The following CHD1L variants were observed in gnomAD, a reference collection of about 807,000 sequenced individuals.
CHD1L encodes the protein ATP-dependent chromatin remodeler CHD1L.
CHD1L carries 118 observed loss-of-function variants against 115.9 expected under a neutral mutation model. The observed-to-expected ratio is 1.02, with a 90% CI of 0.88 to 1.19. The LOEUF (loss-of-function observed/expected upper bound fraction) is 1.19. CHD1L is among the 50% of genes most tolerant of loss of function. The pLI is 0.00. For missense variants in CHD1L, 1,179 were observed against 1,065.3 expected (o/e 1.11, Z -1.49); for synonymous variants, 411 against 387.1 (o/e 1.06, Z -0.72).
In CHD1L at chr1:147,280,227, C is replaced by T. The variant is rs782223423; in HGVS notation, c.1705+36C>T. On this transcript the variant is annotated intron_variant, in intron 15 of 22. Coordinates refer to ENST00000369258, the MANE Select transcript of CHD1L (RefSeq NM_004284.6). The stretch of plus-strand genomic sequence containing the variant: ...GGTTAGAGCAGAGCAAATGGCACAA[C>T]CACCCCAAGCTAGAGCTCACGTCCC... The T allele has an allele frequency of 2.0e-6, 3 of 1,526,688 alleles. No individual in the cohort carries two copies. The Admixed American group carries it at 6.5e-5, about 33-fold the overall frequency. 94.6% of individuals were successfully genotyped at this position (1,526,688 alleles called of 1,614,324 possible). A position where few individuals can be genotyped will look rare whatever the true frequency, so the allele number is the denominator to read the frequency against.
At chr1:147,176,012 A>T in the CHD1L span, 3 of 150,746 alleles carry the variant, frequency 2.0e-5, no homozygotes, top group African/African-American at 7.3e-5. Flanking sequence ...AAGGGGAGGT[A>T]TGGAACAGGT....
chr1:147,225,788 G>A, the CHD1L span: 2 of 152,214 alleles, frequency 1.3e-5, no homozygotes, highest in African/African-American at 4.8e-5. Flanking sequence ...AAACTCCTCA[G>A]ACACCGAATT....
chr1:147,255,845 C>T lies in CHD1L; in HGVS notation c.380C>T (p.Ala127Val), dbSNP rs782540038. The T allele has an allele frequency of 6.2e-7, 1 of 1,613,564 alleles. No homozygotes were observed. The highest frequency in any genetic ancestry group is 8.5e-7 in the Non-Finnish European group (1 of 1,179,672). ...FAPGLSCVTY[A>V]GDKEERACLQ... ...CCAGGTCTTTCCTGTGTAACATATG[C>T]AGGCGACAAGGAGGAAAGAGCCTGC... The change falls in exon 4 of 23, where the codon GCA (alanine) becomes GTA (valine). Residue 127 changes from alanine (A) to valine (V), a missense_variant. Physicochemically the swap from Ala to Val is moderately conservative, Grantham distance 64. Transcript: ENST00000369258.
At chr1:147,217,119 A>C in the CHD1L span, among the ~76,000 whole-genome samples, 4 of 152,148 alleles carry the variant, frequency 2.6e-5, no homozygotes, top group Non-Finnish European at 5.9e-5. Context: ...GCATGCCTGT[A>C]ATCCCAGCTA....
In CHD1L at chr1:147,291,553, G is replaced by A. The variant is rs1572213632; in HGVS notation, c.2391+1G>A. On this transcript the variant is annotated splice_donor_variant, in intron 20 of 22. Coordinates refer to ENST00000369258, the MANE Select transcript of CHD1L (RefSeq NM_004284.6). LOFTEE classifies it high-confidence loss of function. ...ATCAAGAAACAAAGGGCAAGATTTG[G>A]TAAGTAAAACCCATCTCTTCTCAGA... is the stretch of plus-strand genomic sequence containing the variant. 1.2e-6 allele frequency: 2 copies of A among 1,612,758 alleles called. No individual in the cohort carries two copies. Among genetic ancestry groups the A allele is most frequent in the Non-Finnish European group, 1.7e-6 (2 of 1,178,850 alleles).
the CHD1L span, among the ~76,000 whole-genome samples, chr1:147,189,930 A>G: frequency 1.0e-3 from 154 of 152,238 alleles, 2 homozygotes; most frequent in African/African-American, 3.7e-3. Context: ...GCATTTTCCT[A>G]TGTGACTTTT....
At chr1:147,206,853 C>T in the CHD1L span, among the ~76,000 whole-genome samples, 1 of 150,520 alleles carries the variant, frequency 6.6e-6, no homozygotes, top group African/African-American at 2.5e-5. Flanking sequence ...TTAATGGGTG[C>T]AGCACACCAA....
At chr1:147,218,905 C>A in the CHD1L span, among the ~76,000 whole-genome samples, 1 of 152,264 alleles carries the variant, frequency 6.6e-6, no homozygotes, top group East Asian at 1.9e-4. Flanking sequence ...GAATTAGATT[C>A]CGCTATTCAT....
chr1:147,264,310 A>T, intron 6 of CHD1L, 112 bp from the exon 7 acceptor site: 1 of 962,452 alleles, frequency 1.0e-6, no homozygotes, highest in Non-Finnish European at 1.5e-6. Context: ...ATGTCCCCTC[A>T]GTCATTTCAT....
chr1:147,243,074 GCCTGGCC>G, intron 1 of CHD1L: 1 of 354,016 alleles, frequency 2.8e-6, no homozygotes, highest in Admixed American at 4.9e-5. Flanking sequence ...CGGTAGCCAG[GCCTGGCC>G]CCTGGCCTGT....
rs1331913661 is a variant in CHD1L, at chr1:147,279,102, G to A, written c.1540-924G>A. Among the ~76,000 whole-genome samples the A allele has an allele frequency of 4.6e-5, 7 of 152,104 alleles. No homozygotes were observed. In the East Asian group the frequency reaches 7.7e-4, roughly 17 times the overall value. ...GTCATCCTGGTTATGTGTATGGAGG[G>A]TAAATATAATATATCTAGGTACATT... is the stretch of plus-strand genomic sequence containing the variant. On this transcript the variant is annotated intron_variant, in intron 14 of 22. Transcript: ENST00000369258.
the CHD1L span, chr1:147,204,369 T>TA: frequency 9.7e-7 from 1 of 1,031,428 alleles, no homozygotes. Flanking sequence ...GAAAAATAGA[T>TA]ACGCATGCCT....
intron 1 of CHD1L, 21 bp from the exon 2 acceptor site, chr1:147,252,602 T>A (rs1668757188): frequency 6.3e-7 from 1 of 1,585,822 alleles, no homozygotes; most frequent in African/African-American, 1.3e-5. Flanking sequence ...TCTTCGGATT[T>A]GCTGTATTTT....
At chr1:147,252,526 G>GA in intron 1 of CHD1L, 97 bp from the exon 2 acceptor site, 1 of 900,864 alleles carries the variant, frequency 1.1e-6, no homozygotes, top group East Asian at 2.5e-5. Context: ...AGGGTTATGT[G>GA]AATTTAGGCT....
the CHD1L span, chr1:147,174,561 G>A: frequency 6.6e-6 from 1 of 152,320 alleles, no homozygotes; most frequent in African/African-American, 2.4e-5. Flanking sequence ...ACACTGTTCT[G>A]CCCTGCTCTG....
At chr1:147,174,798 A>C in the CHD1L span, 3 of 152,150 alleles carry the variant, frequency 2.0e-5, no homozygotes, top group African/African-American at 4.8e-5. Context: ...CTGTCACCCC[A>C]ATGCTCTTCT....
the CHD1L span, chr1:147,179,727 G>A: frequency 1.5e-6 from 1 of 685,734 alleles, no homozygotes; most frequent in East Asian, 2.7e-5. Flanking sequence ...TACGTCTCAG[G>A]GCCGAGAGGA....
rs782387352 is a variant in CHD1L at position 147,295,627 on chromosome 1, T to C, written c.*118T>C. 8.9e-5 allele frequency: 66 copies of C among 741,284 alleles called. No individual in the cohort carries two copies. The highest frequency in any genetic ancestry group is 1.3e-4 in the Non-Finnish European group (63 of 469,874). 45.9% of individuals were successfully genotyped at this position (741,284 alleles called of 1,614,324 possible). ...TGGTGGGCCTCAGAAATTGTCTCTT[T>C]TCTGAGTTTCAGTTTGGTTCTCCTG... On this transcript the variant is annotated 3_prime_UTR_variant, in exon 23 of 23. Coordinates refer to ENST00000369258, the MANE Select transcript of CHD1L (RefSeq NM_004284.6).
At chr1:147,192,490 G>A in the CHD1L span, among the ~76,000 whole-genome samples, 5 of 152,064 alleles carry the variant, frequency 3.3e-5, no homozygotes, top group Non-Finnish European at 2.9e-5. Context: ...TTTCCTAATC[G>A]AATACCCTTT....
Sources: allele counts gnomAD v4.1 joint callset (sites outside exome capture counted in the v4.1 genomes callset), GRCh38; gene constraint gnomAD v4.1.1; transcripts MANE v1.5; gene names NCBI Gene and HGNC (gene_info 2026-07-23, HGNC 2026-07-21).